RASGRF1: variants seen among roughly 807,000 people sequenced by gnomAD.
The protein encoded by RASGRF1 is ras-specific guanine nucleotide-releasing factor 1.
RASGRF1 carries 40 observed loss-of-function variants against 138.7 expected under a neutral mutation model. The observed-to-expected ratio is 0.29, with a 90% CI of 0.22 to 0.38. The LOEUF (loss-of-function observed/expected upper bound fraction) is 0.38, where lower values mean the gene tolerates loss of function less well. Among genes scored for constraint, RASGRF1 ranks in the 10% least tolerant of loss-of-function variants. The pLI is 1.00. For synonymous variants in RASGRF1, 614 were observed against 663.2 expected, an observed-to-expected ratio of 0.93 and a Z score of 1.14; for missense variants, 1,108 against 1,650.4, an observed-to-expected ratio of 0.67 and a Z score of 5.69.
chr15:78,977,697 A>C (rs2055902487), intron 24 of RASGRF1, among the ~76,000 whole-genome samples: 1 of 152,186 alleles, frequency 6.6e-6, no homozygotes, highest in Admixed American at 6.5e-5. Flanking sequence ...CAGGGGAACA[A>C]AGGGGAAAGG....
intron 1 of RASGRF1, among the ~76,000 whole-genome samples, chr15:79,088,123 T>C (rs2058005980): frequency 6.6e-6 from 1 of 152,222 alleles, no homozygotes; most frequent in Admixed American, 6.5e-5. Context: ...TTTTCAGGAA[T>C]TCTTAGGCAT....
At chr15:79,059,182 CCCTTCCCTTT>C (rs1330425210) in intron 2 of RASGRF1, among the ~76,000 whole-genome samples, 3 of 149,446 alleles carry the variant, frequency 2.0e-5, no homozygotes, top group East Asian at 4.0e-4. Context: ...CCCTATCCTT[CCCTTCCCTTT>C]CCTTCCCTAT....
rs1284579469 is a variant in RASGRF1, at chr15:78,960,260, G to A, written c.*1884C>T. The A allele has an allele frequency of 6.6e-6, 1 of 152,602 alleles. No homozygotes were observed. Among genetic ancestry groups the A allele is most frequent in the Non-Finnish European group, 1.5e-5 (1 of 68,350 alleles). 9.5% of individuals were successfully genotyped at this position (152,602 alleles called of 1,614,324 possible). ...TGCAGGTCCCAGGGGAGGCGGCCTT[G>A]GGAGCTCTGGAGTGGGTTGTGCCTT... is the stretch of plus-strand genomic sequence containing the variant. On this transcript the variant is annotated 3_prime_UTR_variant, in exon 27 of 27. Coordinates refer to ENST00000558480, the MANE Select transcript of RASGRF1 (RefSeq NM_001145648.3).
intron 6 of RASGRF1, among the ~76,000 whole-genome samples, chr15:79,033,581 CTT>C (rs71148586): frequency 1.1e-5 from 1 of 93,976 alleles, no homozygotes; most frequent in Non-Finnish European, 1.9e-5. Flanking sequence ...TTTTTCTTTT[CTT>C]TTTTTTTTTT....
At chr15:78,987,995 T>C in intron 22 of RASGRF1, among the ~76,000 whole-genome samples, 1 of 152,212 alleles carries the variant, frequency 6.6e-6, no homozygotes, top group East Asian at 1.9e-4. Flanking sequence ...CAAATAGAAC[T>C]GTGCCAGGGA....
intron 1 of RASGRF1, among the ~76,000 whole-genome samples, chr15:79,075,966 A>C (rs1327271521): frequency 6.6e-6 from 1 of 152,246 alleles, no homozygotes; most frequent in Non-Finnish European, 1.5e-5. Context: ...TTTCTCGTTC[A>C]TTAATTCAAC....
chr15:79,066,403 C>T (rs1181424441), intron 1 of RASGRF1, among the ~76,000 whole-genome samples: 1 of 152,230 alleles, frequency 6.6e-6, no homozygotes, highest in Non-Finnish European at 1.5e-5. Context: ...GTCCCCACCT[C>T]AGGGAGCCTG....
At position 78,997,409 on chromosome 15, in the gene RASGRF1, C is replaced by G. The variant is rs1190336963; in HGVS notation, c.2966+687G>C. 2.2e-4 allele frequency among the ~76,000 whole-genome samples: 33 copies of G among 152,166 alleles called. 1 individual carries two copies. The highest frequency in any genetic ancestry group is 2.9e-5 in the Non-Finnish European group (2 of 68,046). ...GGGCTCATGTCACTGAGGAACTGAACTTTAAATTTTATTTAATTTTCATTA... is the reference window on the plus strand; with the variant it reads ...GGGCTCATGTCACTGAGGAACTGAAGTTTAAATTTTATTTAATTTTCATTA... On this transcript the variant is annotated intron_variant, in intron 19 of 26. Coordinates refer to ENST00000558480, the MANE Select transcript of RASGRF1 (RefSeq NM_001145648.3).
chr15:78,979,308 C>G (rs1196007474), intron 24 of RASGRF1: 2 of 807,246 alleles, frequency 2.5e-6, no homozygotes, highest in Admixed American at 3.6e-5. Flanking sequence ...AGGAGGCAGA[C>G]GAGGCTGGCA....
intron 6 of RASGRF1, among the ~76,000 whole-genome samples, chr15:79,034,623 G>A (rs1212736354): frequency 6.6e-6 from 1 of 151,626 alleles, no homozygotes; most frequent in Non-Finnish European, 1.5e-5. Context: ...ATTACACAGC[G>A]ATCAAAAAGC....
intron 1 of RASGRF1, among the ~76,000 whole-genome samples, chr15:79,089,070 A>C (rs1266761577): frequency 6.6e-6 from 1 of 152,122 alleles, no homozygotes; most frequent in Non-Finnish European, 1.5e-5. Flanking sequence ...CAATTCAATC[A>C]CCACCAGTCT....
chr15:78,971,810 G>A, intron 26 of RASGRF1, 56 bp downstream of exon 26: 1 of 1,469,470 alleles, frequency 6.8e-7, no homozygotes, highest in East Asian at 2.3e-5. Context: ...GTGGAAGGTG[G>A]CCTAGACAGA....
chr15:79,046,802 G>A lies in RASGRF1; in HGVS notation c.822C>T (p.Ala274=), dbSNP rs1795443922. The A allele has an allele frequency of 1.2e-6, 2 of 1,614,154 alleles. No individual in the cohort carries two copies. The highest frequency in any genetic ancestry group is 1.7e-6 in the Non-Finnish European group (2 of 1,180,058). The change falls in exon 5 of 27, where the codon GCC becomes GCT. Residue 274 remains alanine (A), a synonymous_variant. Transcript: ENST00000558480. The surrounding 1 kb of genome is among the most constrained non-coding windows in gnomAD (Gnocchi z 5.3). ...GTGTGATGGGAGGCTTCTTGGAGCT[G>A]GCGGCCATCCGCAGCGGGCGCAGGA... The part of the protein sequence containing the change: ...NNFLRPLRMA[A]SSKKPPITHD...
intron 13 of RASGRF1, among the ~76,000 whole-genome samples, chr15:79,012,003 G>A (rs890807941): frequency 5.3e-5 from 8 of 151,350 alleles, no homozygotes; most frequent in Non-Finnish European, 1.2e-4. Context: ...GTGACAGAGC[G>A]AGACCCTGTC....
intron 1 of RASGRF1, among the ~76,000 whole-genome samples, chr15:79,089,580 A>T (rs2058026159): frequency 6.6e-6 from 1 of 152,216 alleles, no homozygotes; most frequent in Non-Finnish European, 1.5e-5. Context: ...CCGGCGCATC[A>T]GAGCGGTCCT....
At chr15:78,962,846 G>T (rs1167185093) in intron 26 of RASGRF1, among the ~76,000 whole-genome samples, 1 of 152,186 alleles carries the variant, frequency 6.6e-6, no homozygotes, top group Non-Finnish European at 1.5e-5. Flanking sequence ...TCACACCACT[G>T]TACCCCAGCT....
At chr15:79,013,068 G>C (rs2056825081) in intron 13 of RASGRF1, among the ~76,000 whole-genome samples, 4 of 152,212 alleles carry the variant, frequency 2.6e-5, no homozygotes. Flanking sequence ...TTCCAGCTGT[G>C]AGTTTTATTG....
intron 5 of RASGRF1, among the ~76,000 whole-genome samples, chr15:79,042,610 C>A (rs1248773509): frequency 6.6e-6 from 1 of 152,224 alleles, no homozygotes; most frequent in Non-Finnish European, 1.5e-5. Context: ...AACAAGGCAG[C>A]AGGGGGAAGC....
chr15:78,992,478 A>G (rs961110543), intron 20 of RASGRF1, among the ~76,000 whole-genome samples: 2 of 152,230 alleles, frequency 1.3e-5, no homozygotes, highest in Non-Finnish European at 2.9e-5. Flanking sequence ...AGTGGTGGAC[A>G]TAGGGAGGCC....
Sources: gnomAD v4.1 joint callset for allele counts (sites outside exome capture counted in the v4.1 genomes callset) on GRCh38, gnomAD v4.1.1 for gene constraint, Gnocchi (gnomAD v3.1) non-coding constraint, MANE v1.5 for transcripts, NCBI Gene and HGNC (gene_info 2026-07-23, HGNC 2026-07-21) for gene names.